USH2A: variants seen among roughly 807,000 people sequenced by gnomAD.
The protein encoded by USH2A is usherin.
In USH2A, 443 loss-of-function variants were observed where a neutral mutation model predicts 538.9. That is an observed-to-expected ratio of 0.82 (90% CI 0.76 to 0.89). The LOEUF (loss-of-function observed/expected upper bound fraction) is 0.89, where lower values mean the gene tolerates loss of function less well. Ranked by LOEUF, USH2A falls within the 40% of genes least tolerant of loss-of-function variation. The pLI is 0.00. For missense variants in USH2A, 6,633 were observed against 6,324.8 expected, an observed-to-expected ratio of 1.05 and a Z score of -1.65; for synonymous variants, 2,413 against 2,273.5, an observed-to-expected ratio of 1.06 and a Z score of -1.75.
At chr1:215,789,666 A>C (rs948890420) in intron 51 of USH2A, among the ~76,000 whole-genome samples, 2 of 152,202 alleles carry the variant, frequency 1.3e-5, no homozygotes, top group African/African-American at 4.8e-5. Flanking sequence ...TATCAAAGGA[A>C]AGTGGTGGAT....
At chr1:216,222,075 G>A (rs2035466393) in intron 14 of USH2A, among the ~76,000 whole-genome samples, 1 of 152,162 alleles carries the variant, frequency 6.6e-6, no homozygotes, top group African/African-American at 2.4e-5. Flanking sequence ...TTTACGCAGA[G>A]AAATGTATAG....
intron 9 of USH2A, among the ~76,000 whole-genome samples, chr1:216,311,588 G>A (rs1020112003): frequency 2.0e-5 from 3 of 152,032 alleles, no homozygotes; most frequent in African/African-American, 4.8e-5. Context: ...AGAGGGGCGC[G>A]GTGGGGTTGT....
rs773174395 is a variant in USH2A, at chr1:215,741,344, A to C, written c.11711+31T>G. ...GTTGGAGCAGTACGCATTCTTAAATAACTAAAAATAATAGTAACAGCCAAT... is the reference window on the plus strand; with the variant it reads ...GTTGGAGCAGTACGCATTCTTAAATCACTAAAAATAATAGTAACAGCCAAT... On this transcript the variant is annotated intron_variant, in intron 60 of 71. Transcript: ENST00000307340. 13 of 1,612,216 alleles carry C rather than the reference A, an allele frequency of 8.1e-6. No individual in the cohort carries two copies. In the Admixed American group the frequency reaches 1.5e-4, roughly 19 times the overall value.
intron 36 of USH2A, 21 bp downstream of exon 36, chr1:215,970,604 A>C (rs752994806): frequency 6.2e-7 from 1 of 1,613,274 alleles, no homozygotes; most frequent in Non-Finnish European, 8.5e-7. Context: ...ACATTCCTAG[A>C]ATGTAAATTT....
At chr1:216,310,287 A>G (rs1038225986) in intron 9 of USH2A, among the ~76,000 whole-genome samples, 6 of 152,008 alleles carry the variant, frequency 3.9e-5, no homozygotes, top group Admixed American at 2.6e-4. Flanking sequence ...TTTCCTTTGT[A>G]AGTATTAAAT....
rs928040621 is a variant in USH2A, at chr1:215,759,723, A to C, written c.11168T>G (p.Leu3723Trp). The stretch of plus-strand genomic sequence containing the variant: ...CTCCTCACTGCCACCCAGGAAAAGC[A>C]AGTTTCCATTACGACTCAATTGATA... ...SQYQLSRNGNLLFLGGSEEQN... is the reference protein window; with the variant it reads ...SQYQLSRNGNWLFLGGSEEQN... Residue 3723 changes from leucine to tryptophan, a missense_variant, in exon 57 of 72, where the codon TTG becomes TGG. Physicochemically the swap from Leu to Trp is moderately conservative, Grantham distance 61 (BLOSUM62 -2). Transcript: ENST00000307340. 1 of 1,614,074 alleles carries C rather than the reference A, an allele frequency of 6.2e-7. No individual in the cohort carries two copies. Among genetic ancestry groups the C allele is most frequent in the Non-Finnish European group, 8.5e-7 (1 of 1,179,940 alleles).
intron 32 of USH2A, among the ~76,000 whole-genome samples, chr1:216,005,575 T>A (rs1329703537): frequency 6.6e-6 from 1 of 152,120 alleles, no homozygotes; most frequent in Admixed American, 6.5e-5. Flanking sequence ...CTGCCATTTT[T>A]TTTTCTCAGA....
At position 216,325,536 on chromosome 1, in the gene USH2A, G is replaced by A. The variant is rs755786682; in HGVS notation, c.912C>T (p.Cys304=). Residue 304 remains cysteine, a synonymous_variant, in exon 6 of 72, where the codon TGC becomes TGT. Coordinates refer to ENST00000307340, the MANE Select transcript of USH2A (RefSeq NM_206933.4). The part of the protein sequence containing the change: ...LRLHAQSHCR[C]PGSHPRVHPL... ...GGTGGACCCGCGGGTGGCTGCCAGG[G>A]CAACGGCAATGTGATTGGGCATGCA... 1.2e-6 allele frequency: 2 copies of A among 1,613,512 alleles called. No individual in the cohort carries two copies. Among genetic ancestry groups the A allele is most frequent in the Non-Finnish European group, 1.7e-6 (2 of 1,179,706 alleles).
chr1:215,883,480 C>A (rs1016319295), intron 41 of USH2A, among the ~76,000 whole-genome samples: 1 of 151,126 alleles, frequency 6.6e-6, no homozygotes. Flanking sequence ...AAAGTGCTCC[C>A]CTACATTTAG....
chr1:215,631,285 C>G (rs1057275146), intron 70 of USH2A, among the ~76,000 whole-genome samples: 1 of 151,666 alleles, frequency 6.6e-6, no homozygotes, highest in Non-Finnish European at 1.5e-5. Context: ...TTGACCTACT[C>G]AAGTGAAAAG....
intron 9 of USH2A, among the ~76,000 whole-genome samples, chr1:216,308,775 A>ATAAT (rs980199355): frequency 2.0e-5 from 3 of 152,312 alleles, no homozygotes; most frequent in African/African-American, 7.2e-5. Context: ...TTTATACTTT[A>ATAAT]TAATTATACA....
At chr1:216,056,020 TG>T (rs2030964122) in intron 30 of USH2A, among the ~76,000 whole-genome samples, 1 of 152,234 alleles carries the variant, frequency 6.6e-6, no homozygotes, top group African/African-American at 2.4e-5. Flanking sequence ...ATAAAATATG[TG>T]GTCTAATCCC....
intron 35 of USH2A, among the ~76,000 whole-genome samples, chr1:215,990,499 A>G (rs1442970812): frequency 1.3e-5 from 2 of 152,208 alleles, no homozygotes; most frequent in South Asian, 4.1e-4. Flanking sequence ...TGAAAGAGAA[A>G]TTAATGATTT....
In USH2A at chr1:215,758,736, C is replaced by G. The variant is rs999582580; in HGVS notation, c.11248G>C (p.Glu3750Gln). ...CTGCTGCCACCTCCAGTTTTGACTT[C>G]TAACTTGTAAGTGTATCTATATTTA... ...EPNSRYTYKLEVKTGGGSSAS... is the reference protein window; with the variant it reads ...EPNSRYTYKLQVKTGGGSSAS... Residue 3750 changes from glutamate to glutamine, a missense_variant, in exon 58 of 72, where the codon GAA becomes CAA. By Grantham distance (29) the Glu-to-Gln change is conservative (BLOSUM62 2). Transcript: ENST00000307340. 1 of 1,613,902 alleles carries G rather than the reference C, an allele frequency of 6.2e-7. No homozygotes were observed. The highest frequency in any genetic ancestry group is 8.5e-7 in the Non-Finnish European group (1 of 1,179,928).
chr1:216,408,252 A>C (rs1288453120), intron 3 of USH2A, among the ~76,000 whole-genome samples: 2 of 152,138 alleles, frequency 1.3e-5, no homozygotes, highest in East Asian at 3.9e-4. Flanking sequence ...GATAACATTC[A>C]GACTGGCAAA....
At chr1:215,778,740 A>G (rs956466851) in intron 55 of USH2A, among the ~76,000 whole-genome samples, 5 of 152,214 alleles carry the variant, frequency 3.3e-5, no homozygotes, top group Admixed American at 3.3e-4. Context: ...AAAAAAGGGA[A>G]AGTTTATACA....
intron 37 of USH2A, among the ~76,000 whole-genome samples, chr1:215,948,112 T>C (rs116482783): frequency 6.6e-6 from 1 of 152,066 alleles, no homozygotes; most frequent in African/African-American, 2.4e-5. Context: ...ATCTCTTGTA[T>C]AACAATCTCA....
chr1:215,709,436 A>G (rs1659272820), intron 61 of USH2A, among the ~76,000 whole-genome samples: 1 of 152,106 alleles, frequency 6.6e-6, no homozygotes, highest in Non-Finnish European at 1.5e-5. Context: ...GCTGACCTGT[A>G]TTAATGTTCT....
intron 21 of USH2A, among the ~76,000 whole-genome samples, chr1:216,145,847 C>A (rs2033688554): frequency 1.3e-5 from 2 of 152,192 alleles, no homozygotes; most frequent in African/African-American, 4.8e-5. Flanking sequence ...GAGCACCTTG[C>A]AACCCCCACT....
Sources: gnomAD v4.1 joint callset for allele counts (sites outside exome capture counted in the v4.1 genomes callset) on GRCh38, gnomAD v4.1.1 for gene constraint, MANE v1.5 for transcripts, NCBI Gene and HGNC (gene_info 2026-07-23, HGNC 2026-07-21) for gene names.